NLGN1: variants seen among roughly 807,000 people sequenced by gnomAD.
NLGN1 encodes neuroligin 1, also known as neuroligin-1.
Under a neutral mutation model 65.5 loss-of-function variants are expected in NLGN1, and 12 were observed. That is an observed-to-expected ratio of 0.18 (90% CI 0.12 to 0.30). NLGN1 has a LOEUF of 0.30. Ranked by LOEUF, NLGN1 falls within the 10% of genes least tolerant of loss-of-function variation. The probability of loss-of-function intolerance (pLI) is 1.00; values close to 1 mark genes in which losing one functional copy is unlikely to be tolerated. For missense variants in NLGN1, 750 were observed against 1,007.1 expected, an observed-to-expected ratio of 0.74 and a Z score of 3.46; for synonymous variants, 350 against 359.5, an observed-to-expected ratio of 0.97 and a Z score of 0.30.
intron 2 of NLGN1, among the ~76,000 whole-genome samples, chr3:173,514,377 A>G (rs756752709): frequency 2.6e-5 from 4 of 152,014 alleles, no homozygotes; most frequent in Non-Finnish European, 4.4e-5. Context: ...TTTATCCCTC[A>G]ACTCCCTCCC....
intron 4 of NLGN1, among the ~76,000 whole-genome samples, chr3:173,941,525 A>G (rs899779085): frequency 6.6e-6 from 1 of 152,130 alleles, no homozygotes; most frequent in Admixed American, 6.5e-5. Flanking sequence ...CAAAAGGTTG[A>G]CTGGATTTGA....
chr3:173,882,397 C>G (rs1338201026), intron 4 of NLGN1, among the ~76,000 whole-genome samples: 2 of 152,120 alleles, frequency 1.3e-5, no homozygotes, highest in Admixed American at 1.3e-4. Context: ...GATATGAAAT[C>G]CTAGATGGCA....
chr3:174,077,824 G>A (rs1741332849), intron 4 of NLGN1, among the ~76,000 whole-genome samples: 1 of 152,208 alleles, frequency 6.6e-6, no homozygotes, highest in South Asian at 2.1e-4. Context: ...AAAGTGCTAG[G>A]ATTACAGGCC....
chr3:173,535,839 G>C (rs541318773), intron 2 of NLGN1, among the ~76,000 whole-genome samples: 2 of 152,106 alleles, frequency 1.3e-5, no homozygotes, highest in Non-Finnish European at 2.9e-5. Context: ...TCGAAATAAG[G>C]CACATGATTT....
Position 173,880,068 on chromosome 3 carries a change from G to T in NLGN1, c.646+72236G>T, listed in dbSNP as rs963321425. On this transcript the variant is annotated intron_variant, in intron 4 of 6. Transcript: ENST00000457714. Reference sequence around the variant, plus strand: ...CTTTCTCATCTTAAAAATATATTGTGTGTGAAAATCCAAAAAGATTTTCTT... The same window carrying T: ...CTTTCTCATCTTAAAAATATATTGTTTGTGAAAATCCAAAAAGATTTTCTT... 2.0e-5 allele frequency among the ~76,000 whole-genome samples: 3 copies of T among 152,114 alleles called. 1 individual carries two copies. The South Asian group carries it at 6.2e-4, about 32-fold the overall frequency.
chr3:173,726,687 T>TTA (rs1771841738), intron 3 of NLGN1, among the ~76,000 whole-genome samples: 1 of 152,102 alleles, frequency 6.6e-6, no homozygotes, highest in African/African-American at 2.4e-5. Context: ...TTCATTTGGT[T>TTA]TATATCTACT....
chr3:173,542,657 C>T (rs1425685772), intron 2 of NLGN1, among the ~76,000 whole-genome samples: 1 of 151,836 alleles, frequency 6.6e-6, no homozygotes, highest in Non-Finnish European at 1.5e-5. Flanking sequence ...TTTCTTTTAA[C>T]CTAGTATAAG....
At chr3:173,712,396 G>T (rs1769127329) in intron 3 of NLGN1, among the ~76,000 whole-genome samples, 1 of 152,148 alleles carries the variant, frequency 6.6e-6, no homozygotes, top group South Asian at 2.1e-4. Flanking sequence ...CTATGGTTAA[G>T]CTAATTATAC....
intron 1 of NLGN1, among the ~76,000 whole-genome samples, chr3:173,402,602 A>G (rs1717898112): frequency 6.6e-6 from 1 of 152,080 alleles, no homozygotes; most frequent in Non-Finnish European, 1.5e-5. Flanking sequence ...ACTTCACTGT[A>G]AATCTCTTGA....
At chr3:173,768,264 T>C (rs1052568878) in intron 3 of NLGN1, among the ~76,000 whole-genome samples, 1 of 152,198 alleles carries the variant, frequency 6.6e-6, no homozygotes, top group South Asian at 2.1e-4. Flanking sequence ...ATTCCTACTA[T>C]GTGAGTTCAG....
At chr3:173,574,895 A>T (rs1224422819) in intron 2 of NLGN1, among the ~76,000 whole-genome samples, 1 of 152,154 alleles carries the variant, frequency 6.6e-6, no homozygotes, top group Admixed American at 6.5e-5. Context: ...ATAATTATTT[A>T]AAAAACACAG....
At chr3:173,898,827 A>G (rs1736812005) in intron 4 of NLGN1, among the ~76,000 whole-genome samples, 1 of 152,176 alleles carries the variant, frequency 6.6e-6, no homozygotes, top group South Asian at 2.1e-4. Context: ...AAGAGACCTC[A>G]TAAACTACAT....
chr3:174,037,405 C>T (rs1369245718), intron 4 of NLGN1, among the ~76,000 whole-genome samples: 1 of 152,148 alleles, frequency 6.6e-6, no homozygotes, highest in Non-Finnish European at 1.5e-5. Flanking sequence ...ACAAGTGAAC[C>T]ACCTTACTGT....
intron 4 of NLGN1, among the ~76,000 whole-genome samples, chr3:174,128,226 G>T (rs928556028): frequency 1.3e-5 from 2 of 151,968 alleles, no homozygotes; most frequent in Admixed American, 6.6e-5. Flanking sequence ...AGATTCACAC[G>T]CTAAGCTTAG....
At chr3:173,569,323 A>G (rs1559981612) in intron 2 of NLGN1, among the ~76,000 whole-genome samples, 1 of 152,052 alleles carries the variant, frequency 6.6e-6, no homozygotes, top group Non-Finnish European at 1.5e-5. Flanking sequence ...GCTCTTTTTA[A>G]GTGAGAGATT....
At chr3:174,069,522 C>T (rs1739372089) in intron 4 of NLGN1, among the ~76,000 whole-genome samples, 1 of 152,126 alleles carries the variant, frequency 6.6e-6, no homozygotes, top group African/African-American at 2.4e-5. Context: ...ATGAGACTTC[C>T]TATTTATATA....
At chr3:174,129,158 G>C (rs1719588749) in intron 4 of NLGN1, among the ~76,000 whole-genome samples, 1 of 152,050 alleles carries the variant, frequency 6.6e-6, no homozygotes, top group African/African-American at 2.4e-5. Flanking sequence ...CCCTCATTTG[G>C]TTTCAGAAAT....
At chr3:173,483,371 A>G (rs145649953) in intron 2 of NLGN1, among the ~76,000 whole-genome samples, 1 of 152,152 alleles carries the variant, frequency 6.6e-6, no homozygotes, top group Non-Finnish European at 1.5e-5. Flanking sequence ...GAATTTCATG[A>G]AGGTCAAAGC....
At position 174,002,376 on chromosome 3, in the gene NLGN1, C is replaced by G. The variant is rs1022845564; in HGVS notation, c.646+194544C>G. 4.4e-4 allele frequency among the ~76,000 whole-genome samples: 67 copies of G among 152,176 alleles called. 1 individual carries two copies. Among genetic ancestry groups the G allele is most frequent in the African/African-American group, 1.5e-3 (63 of 41,442 alleles). ...CTCCTGAACTCAAGTGATCCACCCT[C>G]CTCGGCCTCCCAAACTGCCGGGATT... On this transcript the variant is annotated intron_variant, in intron 4 of 6. Transcript: ENST00000457714.
Sources: allele counts gnomAD v4.1 joint callset (sites outside exome capture counted in the v4.1 genomes callset), GRCh38; gene constraint gnomAD v4.1.1; transcripts MANE v1.5; gene names NCBI Gene and HGNC (gene_info 2026-07-23, HGNC 2026-07-21).